The following NOD2 variants were observed in gnomAD, a reference collection of about 807,000 sequenced individuals.
The protein encoded by NOD2 is nucleotide binding oligomerization domain containing 2.
Under a neutral mutation model 90.9 loss-of-function variants are expected in NOD2, and 86 were observed. The observed-to-expected ratio is 0.95, with a 90% CI of 0.79 to 1.13. The LOEUF is 1.13. NOD2 is among the 50% of genes most tolerant of loss of function. The pLI is 0.00. For synonymous variants in NOD2, 581 were observed against 554.6 expected, an observed-to-expected ratio of 1.05 and a Z score of -0.67; for missense variants, 1,238 against 1,283.8, an observed-to-expected ratio of 0.96 and a Z score of 0.55.
At chr16:50,695,432 A>C (rs573945951) in intron 1 of NOD2, among the ~76,000 whole-genome samples, 4 of 152,260 alleles carry the variant, frequency 2.6e-5, no homozygotes, top group Admixed American at 6.5e-5. Flanking sequence ...CGGAGAGATC[A>C]AGAGTTTGGT....
intron 1 of NOD2, among the ~76,000 whole-genome samples, chr16:50,699,091 C>T (rs1361388149): frequency 6.6e-6 from 1 of 152,072 alleles, no homozygotes; most frequent in African/African-American, 2.4e-5. Flanking sequence ...CCACGCCTGG[C>T]TAATTTTTGT....
At chr16:50,716,258 T>G (rs2150823188) in intron 4 of NOD2, among the ~76,000 whole-genome samples, 1 of 152,342 alleles carries the variant, frequency 6.6e-6, no homozygotes, top group East Asian at 1.9e-4. Flanking sequence ...TCATCCCCTT[T>G]GTGAGGCTGC....
At chr16:50,694,735 C>A (rs1298496019) in intron 1 of NOD2, among the ~76,000 whole-genome samples, 1 of 152,204 alleles carries the variant, frequency 6.6e-6, no homozygotes, top group African/African-American at 2.4e-5. Context: ...TTCATTCTTT[C>A]CAGCAGTCAT....
chr16:50,724,306 A>C (rs1382999851), intron 9 of NOD2, among the ~76,000 whole-genome samples: 2 of 152,208 alleles, frequency 1.3e-5, no homozygotes, highest in Non-Finnish European at 2.9e-5. Flanking sequence ...TCCTGACTGG[A>C]TTTTGCCACT....
rs139485985 is a variant in NOD2 at position 50,697,186 on chromosome 16, T to C, written c.-8-2302T>C. The C allele has an allele frequency of 3.0e-4, 435 of 1,448,276 alleles. 3 individuals carry two copies. In the African/African-American group the frequency reaches 5.7e-3, roughly 19 times the overall value. The allele number at this position is 1,448,276 out of a possible 1,614,324, so 89.7% of individuals were successfully genotyped here. On this transcript the variant is annotated intron_variant, in intron 1 of 11. Coordinates refer to ENST00000647318, the MANE Select transcript of NOD2 (RefSeq NM_001370466.1). ...GTCCTGTGCCACTGGGCTTTTGGCG[T>C]TCTGCACAAGGCCTACCCGCAGATG...
chr16:50,714,177 G>T (rs1964672733), intron 4 of NOD2, among the ~76,000 whole-genome samples: 1 of 152,156 alleles, frequency 6.6e-6, no homozygotes, highest in South Asian at 2.1e-4. Context: ...TTCTTGAATG[G>T]ATCATCCATC....
intron 1 of NOD2, chr16:50,697,741 C>G (rs182345605): frequency 1.5e-4 from 47 of 305,656 alleles, no homozygotes; most frequent in Non-Finnish European, 1.3e-5. Context: ...CAGCCAGACA[C>G]ACAAGTAACC....
Position 50,699,667 on chromosome 16 carries a change from G to C in NOD2, c.172G>C (p.Ala58Pro). The C allele has an allele frequency of 2.5e-6, 4 of 1,614,150 alleles. No individual in the cohort carries two copies. The highest frequency in any genetic ancestry group is 3.4e-6 in the Non-Finnish European group (4 of 1,180,028). Residue 58 changes from alanine (A) to proline (P), a missense_variant, in exon 2 of 12, where the codon GCC (alanine) becomes CCC (proline). Transcript: ENST00000647318. Reference sequence around the variant, plus strand: ...CCTGGGCCAGCCTCTCTCCCACTTGGCCAGGCGCCTTCTGGACACCGTCTG... The same window carrying C: ...CCTGGGCCAGCCTCTCTCCCACTTGCCCAGGCGCCTTCTGGACACCGTCTG... The part of the protein sequence containing the change: ...HLLGQPLSHL[A>P]RRLLDTVWNK...
intron 1 of NOD2, among the ~76,000 whole-genome samples, chr16:50,698,926 TGTC>T (rs1185777865): frequency 1.3e-5 from 2 of 149,620 alleles, no homozygotes; most frequent in East Asian, 3.9e-4. Context: ...TCTCTCTCTC[TGTC>T]TTTTTTTTTT....
At position 50,699,854 on chromosome 16, in the gene NOD2, G is replaced by A. The variant is rs776403451; in HGVS notation, c.359G>A (p.Ser120Asn). ...CCAGCCATTGTCAGGAGGCTCCACA[G>A]CCATGTGGAGAACATGCTGGACCTG... The part of the protein sequence containing the change: ...HRPAIVRRLH[S>N]HVENMLDLAW... Residue 120 changes from serine (S) to asparagine (N), a missense_variant, in exon 2 of 12, where the codon AGC (serine) becomes AAC (asparagine). Ser to Asn is a conservative substitution (Grantham distance 46, BLOSUM62 1). This residue lies in a region of NOD2 where 567 missense variants were observed against 577.3 expected (regional missense o/e 0.98). Transcript: ENST00000647318. The A allele has an allele frequency of 3.1e-6, 5 of 1,613,422 alleles. No individual in the cohort carries two copies. The South Asian group carries it at 4.4e-5, about 14-fold the overall frequency.
chr16:50,730,053 T>C (rs1965401008), intron 11 of NOD2, 152 bp downstream of exon 11: 1 of 646,394 alleles, frequency 1.5e-6, no homozygotes, highest in South Asian at 1.5e-5. Context: ...AAGGATCTGA[T>C]TCTCTGTCTA....
In NOD2 at chr16:50,712,021, C is replaced by T. The variant is rs755721919; in HGVS notation, c.2029C>T (p.Gln677Ter). 4 of 1,613,038 alleles carry T rather than the reference C, an allele frequency of 2.5e-6. No individual in the cohort carries two copies. In the African/African-American group the frequency reaches 5.3e-5, roughly 22 times the overall value. The change falls in exon 4 of 12, where the codon CAG becomes TAG. Residue 677 changes from glutamine to a stop codon, truncating the protein, a stop_gained. Coordinates refer to ENST00000647318, the MANE Select transcript of NOD2 (RefSeq NM_001370466.1). LOFTEE classifies it high-confidence loss of function. ...QTSEKALLRRQACARWCLARS... is the reference protein window; with the variant it reads ...QTSEKALLRR ...ATCTGAGAAGGCCCTGCTCCGGCGC[C>T]AGGCCTGTGCCCGCTGGTGTCTGGC...
chr16:50,699,971 G>T lies in NOD2; in HGVS notation c.459+17G>T. 6.3e-7 allele frequency: 1 copy of T among 1,597,816 alleles called. No individual in the cohort carries two copies. ...TCCCAGAGGGTGAGGCACTCCTGGT[G>T]TGCATCACAGAGTTCTCAGGAAAGG... On this transcript the variant is annotated intron_variant, in intron 2 of 11. Transcript: ENST00000647318.
rs556617095 is a variant in NOD2 at position 50,710,992 on chromosome 16, G to C, written c.1000G>C (p.Glu334Gln). The C allele has an allele frequency of 6.2e-7, 1 of 1,614,228 alleles. No individual in the cohort carries two copies. The highest frequency in any genetic ancestry group is 1.1e-5 in the South Asian group (1 of 91,090). Residue 334 changes from glutamate to glutamine, a missense_variant, in exon 4 of 12, where the codon GAA (glutamate) becomes CAA (glutamine). Glu to Gln is a conservative substitution (Grantham distance 29). Transcript: ENST00000647318. ...CTGCTGTTGGCCTGATGTTGGTCAA[G>C]AAGACATCTTCCAGTTACTCCTTGA... ...EHCCWPDVGQEDIFQLLLDHP... is the reference protein window; with the variant it reads ...EHCCWPDVGQQDIFQLLLDHP...
intron 10 of NOD2, among the ~76,000 whole-genome samples, chr16:50,726,655 C>G (rs1965276343): frequency 6.6e-6 from 1 of 152,142 alleles, no homozygotes. Context: ...CAGCCTTACT[C>G]CACTTGACTC....
intron 11 of NOD2, among the ~76,000 whole-genome samples, chr16:50,730,924 C>T (rs746745033): frequency 6.6e-6 from 1 of 152,212 alleles, no homozygotes; most frequent in Non-Finnish European, 1.5e-5. Context: ...CTTTGCTGGG[C>T]GTGGCAGCTC....
chr16:50,699,995 G>A (rs754107823), intron 2 of NOD2, 41 bp downstream of exon 2: 10 of 1,560,084 alleles, frequency 6.4e-6, no homozygotes, highest in Non-Finnish European at 8.7e-6. Flanking sequence ...TCTCAGGAAA[G>A]GGGTGCTTAG....
chr16:50,723,428 C>T, intron 9 of NOD2, 44 bp downstream of exon 9: 1 of 1,537,278 alleles, frequency 6.5e-7, no homozygotes, highest in South Asian at 1.1e-5. Flanking sequence ...GGATCACAAT[C>T]TCTGTTGATC....
At chr16:50,731,661 T>C (rs1965458213) in intron 11 of NOD2, 86 bp from the exon 12 acceptor site, 1 of 922,686 alleles carries the variant, frequency 1.1e-6, no homozygotes, top group Admixed American at 1.8e-5. Context: ...ATCCCAGGCA[T>C]GGGTTTAAAA....
Sources: gnomAD v4.1 joint callset for allele counts (sites outside exome capture counted in the v4.1 genomes callset) on GRCh38, gnomAD v4.1.1 for gene constraint, gnomAD v4.1.1 regional missense constraint, MANE v1.5 for transcripts, NCBI Gene and HGNC (gene_info 2026-07-23, HGNC 2026-07-21) for gene names.